ALK: variants seen among roughly 807,000 people sequenced by gnomAD.
ALK encodes the protein ALK receptor tyrosine kinase.
ALK carries 74 observed loss-of-function variants against 163.1 expected under a neutral mutation model. The ratio of observed to expected loss-of-function variants is 0.45; its 90% CI spans 0.38 to 0.55. ALK has a LOEUF of 0.55. ALK is among the 20% of genes least tolerant of loss of function. The pLI is 0.00. For missense variants in ALK, 2,063 were observed against 2,105.3 expected, an observed-to-expected ratio of 0.98 and a Z score of 0.39; for synonymous variants, 960 against 843.2, an observed-to-expected ratio of 1.14 and a Z score of -2.40.
intron 4 of ALK, among the ~76,000 whole-genome samples, chr2:29,504,272 A>G (rs1303217365): frequency 2.0e-5 from 3 of 152,220 alleles, no homozygotes; most frequent in Admixed American, 6.5e-5. Context: ...TGTGTGAGAG[A>G]AGGTCAGAGA....
chr2:29,624,121 G>A (rs2148231482), intron 3 of ALK, among the ~76,000 whole-genome samples: 1 of 152,392 alleles, frequency 6.6e-6, no homozygotes, highest in South Asian at 2.1e-4. Context: ...AAAAATCATT[G>A]TCAGACTATG....
chr2:29,897,854 A>G (rs1328296315), intron 1 of ALK, among the ~76,000 whole-genome samples: 2 of 152,096 alleles, frequency 1.3e-5, no homozygotes, highest in Admixed American at 6.6e-5. Flanking sequence ...GGCCCATGTT[A>G]TATTTCCTCA....
At chr2:29,446,643 G>A (rs1670691688) in intron 4 of ALK, among the ~76,000 whole-genome samples, 1 of 152,144 alleles carries the variant, frequency 6.6e-6, no homozygotes, top group Non-Finnish European at 1.5e-5. Context: ...GCTATACAAT[G>A]GCAGTAGATT....
chr2:29,527,410 G>A (rs1342011953), intron 4 of ALK, among the ~76,000 whole-genome samples: 1 of 152,186 alleles, frequency 6.6e-6, no homozygotes, highest in Non-Finnish European at 1.5e-5. Context: ...CAGTGAGTTT[G>A]AGGGTTTCCT....
chr2:29,742,822 G>A (rs1339795035), intron 1 of ALK, among the ~76,000 whole-genome samples: 2 of 152,140 alleles, frequency 1.3e-5, no homozygotes, highest in Admixed American at 1.3e-4. Flanking sequence ...CCCAGAGCAA[G>A]AGCCTTCCCT....
chr2:29,574,293 C>T (rs75137111), intron 3 of ALK, among the ~76,000 whole-genome samples: 2,021 of 152,312 alleles, frequency 0.013, 24 homozygotes, highest in Non-Finnish European at 0.02. Context: ...GACACCACTT[C>T]TCCATCCACC....
At chr2:29,809,103 C>A (rs1664687975) in intron 1 of ALK, among the ~76,000 whole-genome samples, 1 of 152,206 alleles carries the variant, frequency 6.6e-6, no homozygotes, top group Non-Finnish European at 1.5e-5. Flanking sequence ...TATGCAGAAG[C>A]TAAACTACAT....
intron 12 of ALK, among the ~76,000 whole-genome samples, chr2:29,240,777 A>C (rs1664503558): frequency 6.6e-6 from 1 of 152,210 alleles, no homozygotes; most frequent in Non-Finnish European, 1.5e-5. Context: ...TCTTGAAGAC[A>C]GCTAACGCAC....
intron 3 of ALK, among the ~76,000 whole-genome samples, chr2:29,603,918 T>C (rs9973865): frequency 0.8 from 122,150 of 152,112 alleles, 49,491 homozygotes; most frequent in African/African-American, 0.92. Context: ...AACGATGTTT[T>C]CCTGTAATGA....
At chr2:29,823,957 C>T (rs183656940) in intron 1 of ALK, among the ~76,000 whole-genome samples, 22 of 152,320 alleles carry the variant, frequency 1.4e-4, no homozygotes, top group South Asian at 1.2e-3. Context: ...CCTCCTCCCC[C>T]CATCACAGGC....
chr2:29,225,433 G>A (rs2148176223), intron 19 of ALK, 28 bp downstream of exon 19: 1 of 1,581,358 alleles, frequency 6.3e-7, no homozygotes, highest in Non-Finnish European at 8.7e-7. Context: ...CTGCCCCCTT[G>A]GGAGTCCCTG....
chr2:29,472,930 C>G (rs1573383118), intron 4 of ALK, among the ~76,000 whole-genome samples: 1 of 152,184 alleles, frequency 6.6e-6, no homozygotes, highest in South Asian at 2.1e-4. Context: ...AATGTCAGGT[C>G]TCCTCAAATC....
intron 1 of ALK, among the ~76,000 whole-genome samples, chr2:29,814,079 G>A (rs1277001554): frequency 6.6e-6 from 1 of 152,190 alleles, no homozygotes; most frequent in African/African-American, 2.4e-5. Context: ...GGGTGCAACA[G>A]CCCAGACTCA....
intron 5 of ALK, among the ~76,000 whole-genome samples, chr2:29,377,163 G>A (rs1440358322): frequency 6.6e-6 from 1 of 152,100 alleles, no homozygotes; most frequent in African/African-American, 2.4e-5. Flanking sequence ...TCTAGGACCA[G>A]ACCATAAAAA....
chr2:29,225,991 G>C (rs1041556897), intron 18 of ALK, among the ~76,000 whole-genome samples: 1 of 152,116 alleles, frequency 6.6e-6, no homozygotes, highest in Admixed American at 6.5e-5. Context: ...AGTGGGGAGG[G>C]GTCCTGTGCC....
chr2:29,538,149 G>A (rs1673309703), intron 3 of ALK, among the ~76,000 whole-genome samples: 1 of 152,160 alleles, frequency 6.6e-6, no homozygotes, highest in Non-Finnish European at 1.5e-5. Flanking sequence ...GAACTATTGT[G>A]AAGGCATAAT....
intron 1 of ALK, among the ~76,000 whole-genome samples, chr2:29,812,987 A>G (rs1664795613): frequency 6.6e-6 from 1 of 152,210 alleles, no homozygotes; most frequent in Admixed American, 6.5e-5. Context: ...TCCTGATCTG[A>G]AGATGTGTAC....
intron 4 of ALK, among the ~76,000 whole-genome samples, chr2:29,484,288 A>G (rs1378949334): frequency 5.9e-5 from 9 of 152,108 alleles, no homozygotes; most frequent in African/African-American, 2.2e-4. Flanking sequence ...CCATTCTTGC[A>G]TTCTTGAGAC....
chr2:29,711,647 C>T (rs1679106155), intron 2 of ALK, among the ~76,000 whole-genome samples: 1 of 152,056 alleles, frequency 6.6e-6, no homozygotes, highest in Admixed American at 6.6e-5. Flanking sequence ...GGGAGGGCCT[C>T]TGAAGGGGGA....
Sources: allele counts gnomAD v4.1 joint callset (sites outside exome capture counted in the v4.1 genomes callset), GRCh38; gene constraint gnomAD v4.1.1; transcripts MANE v1.5; gene names NCBI Gene and HGNC (gene_info 2026-07-23, HGNC 2026-07-21).